Variants in TG observed in about 807,000 individuals in gnomAD.
TG encodes the protein thyroglobulin.
A neutral mutation model predicts 324.7 loss-of-function variants in TG; 270 were observed. The observed-to-expected ratio is 0.83, with a 90% CI of 0.75 to 0.92. TG has a LOEUF of 0.92. Ranked by LOEUF, TG falls within the 40% of genes least tolerant of loss-of-function variation. The pLI is 0.00. For synonymous variants in TG, 1,401 were observed against 1,327.0 expected (o/e 1.06, Z -1.21); for missense variants, 3,591 against 3,456.4 (o/e 1.04, Z -0.98).
intron 45 of TG, among the ~76,000 whole-genome samples, chr8:133,130,748 GTGT>G (rs1851879993): frequency 6.6e-6 from 1 of 152,170 alleles, no homozygotes. Flanking sequence ...ATAGTAATTT[GTGT>G]TGTTTTAAGC....
At chr8:132,888,609 G>GTC in intron 10 of TG, 41 bp downstream of exon 10, 1 of 1,535,526 alleles carries the variant, frequency 6.5e-7, no homozygotes, top group South Asian at 1.2e-5. Context: ...GTGTGTGTGT[G>GTC]TGTGTGTGTG....
intron 43 of TG, among the ~76,000 whole-genome samples, chr8:133,105,377 T>G (rs2979027): frequency 0.32 from 47,900 of 151,884 alleles, 8,186 homozygotes; most frequent in African/African-American, 0.44. Context: ...TCACTCAGGA[T>G]GAAGATCGTA....
chr8:133,075,168 C>G (rs926241817), intron 41 of TG: 1 of 975,568 alleles, frequency 1.0e-6, no homozygotes, highest in African/African-American at 1.8e-5. Context: ...TTTTACAAAG[C>G]ATTTGAGAAT....
At chr8:133,132,352 C>A (rs1202127653) in intron 46 of TG, among the ~76,000 whole-genome samples, 1 of 152,172 alleles carries the variant, frequency 6.6e-6, no homozygotes, top group Non-Finnish European at 1.5e-5. Flanking sequence ...GTCGAATGTC[C>A]CCTGGAGGGA....
intron 35 of TG, among the ~76,000 whole-genome samples, chr8:132,990,558 T>TA (rs34552313): frequency 0.29 from 43,833 of 151,888 alleles, 6,666 homozygotes; most frequent in Non-Finnish European, 0.34. Context: ...CACCCTTAAC[T>TA]AACCTCCCTG....
At position 132,900,313 on chromosome 8, in the gene TG, G is replaced by A. The variant is rs750140968; in HGVS notation, c.3407G>A (p.Arg1136Gln). The change falls in exon 15 of 48, where the codon CGG (arginine) becomes CAG (glutamine). Residue 1136 changes from arginine to glutamine, a missense_variant. Arg to Gln is a conservative substitution (Grantham distance 43). Transcript: ENST00000220616. ...GACCCTGCATCAGGAGAAGAGTTGC[G>A]GCCTGGCTCGAGCAGCAGTGCCCAG... ...CVDPASGEEL[R>Q]PGSSSSAQCP... 3.5e-5 allele frequency: 57 copies of A among 1,613,398 alleles called. No individual in the cohort carries two copies. Among genetic ancestry groups the A allele is most frequent in the Non-Finnish European group, 4.4e-5 (52 of 1,179,862 alleles).
At chr8:133,022,239 C>A in intron 40 of TG, 89 bp downstream of exon 40, 1 of 1,565,570 alleles carries the variant, frequency 6.4e-7, no homozygotes. Flanking sequence ...ACTGCCCCTG[C>A]TCCTCCTCCA....
chr8:132,953,488 C>A (rs934194320), intron 27 of TG, among the ~76,000 whole-genome samples: 1 of 152,194 alleles, frequency 6.6e-6, no homozygotes, highest in Non-Finnish European at 1.5e-5. Context: ...ATTGTAGGAA[C>A]ACAGAATGTC....
At chr8:132,931,451 A>G (rs933266254) in intron 23 of TG, among the ~76,000 whole-genome samples, 8 of 152,216 alleles carry the variant, frequency 5.3e-5, no homozygotes, top group African/African-American at 1.9e-4. Context: ...CACTGAGTCA[A>G]TGAAGGGTTG....
chr8:132,898,902 T>G lies in TG; in HGVS notation c.3322T>G (p.Cys1108Gly), dbSNP rs781407770. Residue 1108 changes from cysteine (C) to glycine (G), a missense_variant, in exon 14 of 48, where the codon TGC becomes GGC. Transcript: ENST00000220616. ...TCCAAAAGACCTGTTCGTCCCAGCC[T>G]GCCTAGAAGTAAGGGTCTGGAAGCA... The part of the protein sequence containing the change: ...PSPKDLFVPA[C>G]LETGEYARLQ... 1.2e-6 allele frequency: 2 copies of G among 1,613,838 alleles called. No homozygotes were observed.
At chr8:133,002,199 T>C (rs904641581) in intron 35 of TG, 3 of 985,304 alleles carry the variant, frequency 3.0e-6, no homozygotes, top group African/African-American at 1.7e-5. Flanking sequence ...AGGGAGGCAA[T>C]GGCCAGAGCA....
At chr8:133,017,185 C>T (rs1444509873) in intron 37 of TG, among the ~76,000 whole-genome samples, 2 of 152,200 alleles carry the variant, frequency 1.3e-5, no homozygotes, top group Non-Finnish European at 2.9e-5. Context: ...TACATCTCTT[C>T]CCTCACTAAT....
chr8:132,962,629 C>T (rs1827921681), intron 28 of TG, among the ~76,000 whole-genome samples: 2 of 152,132 alleles, frequency 1.3e-5, no homozygotes, highest in African/African-American at 4.8e-5. Context: ...CTTGAGTGGT[C>T]TGGGATAAAT....
chr8:132,889,198 G>A (rs1009917813), intron 10 of TG, among the ~76,000 whole-genome samples: 26 of 152,140 alleles, frequency 1.7e-4, no homozygotes, highest in African/African-American at 6.3e-4. Flanking sequence ...CAGTTAAAAT[G>A]CCTTATCCCC....
At chr8:133,100,394 T>C (rs1220907320) in intron 43 of TG, among the ~76,000 whole-genome samples, 1 of 152,338 alleles carries the variant, frequency 6.6e-6, no homozygotes, top group East Asian at 1.9e-4. Flanking sequence ...CCAACTAGAA[T>C]GTTTGAAACT....
intron 41 of TG, among the ~76,000 whole-genome samples, chr8:133,030,424 A>C (rs919472097): frequency 6.6e-6 from 1 of 152,118 alleles, no homozygotes; most frequent in African/African-American, 2.4e-5. Flanking sequence ...GAGGAGGAGG[A>C]TGATGGTGGT....
intron 23 of TG, among the ~76,000 whole-genome samples, chr8:132,931,127 C>G (rs1048251483): frequency 6.6e-6 from 1 of 152,220 alleles, no homozygotes; most frequent in African/African-American, 2.4e-5. Flanking sequence ...TGAGGCCCCT[C>G]TCCTGGGCTT....
At chr8:132,987,169 G>A (rs530380304) in intron 35 of TG, among the ~76,000 whole-genome samples, 12 of 152,208 alleles carry the variant, frequency 7.9e-5, no homozygotes, top group Non-Finnish European at 1.8e-4. Context: ...GTGCTTGTAA[G>A]TGTCTTGTTA....
At chr8:133,011,807 A>G (rs2130886662) in intron 35 of TG, 94 bp from the exon 36 acceptor site, 1 of 1,540,396 alleles carries the variant, frequency 6.5e-7, no homozygotes, top group Non-Finnish European at 9.0e-7. Context: ...GGATGCCCCT[A>G]AGGCTGCCTT....
Sources: gnomAD v4.1 joint callset for allele counts (sites outside exome capture counted in the v4.1 genomes callset) on GRCh38, gnomAD v4.1.1 for gene constraint, MANE v1.5 for transcripts, NCBI Gene and HGNC (gene_info 2026-07-23, HGNC 2026-07-21) for gene names.